MOK: variants seen among roughly 807,000 people sequenced by gnomAD.
The protein encoded by MOK is MAPK/MAK/MRK overlapping kinase.
A neutral mutation model predicts 54.2 loss-of-function variants in MOK; 59 were observed. That is an observed-to-expected ratio of 1.09 (90% confidence interval 0.88 to 1.35). The LOEUF is 1.35. MOK is among the 40% of genes most tolerant of loss of function. The pLI is 0.00. For missense variants in MOK, 517 were observed against 526.2 expected (o/e 0.98, Z 0.17); for synonymous variants, 210 against 202.7 (o/e 1.04, Z -0.31).
intron 1 of MOK, among the ~76,000 whole-genome samples, chr14:102,297,521 G>C (rs970715134): frequency 6.6e-6 from 1 of 152,256 alleles, no homozygotes; most frequent in African/African-American, 2.4e-5. Flanking sequence ...GCCCTCGCTG[G>C]CTCTCGGCAC....
intron 4 of MOK, among the ~76,000 whole-genome samples, chr14:102,258,974 G>A (rs1282219403): frequency 1.3e-5 from 2 of 151,706 alleles, no homozygotes; most frequent in Non-Finnish European, 2.9e-5. Flanking sequence ...GCTAAGGCAG[G>A]AGAATCGCTT....
At chr14:102,285,366 C>A (rs778296695) in intron 1 of MOK, among the ~76,000 whole-genome samples, 2 of 152,180 alleles carry the variant, frequency 1.3e-5, no homozygotes, top group Non-Finnish European at 2.9e-5. Context: ...AGCCACTGCA[C>A]CCAATTCACA....
downstream of MOK, chr14:102,226,546 C>T: frequency 8.9e-6 from 6 of 675,608 alleles, no homozygotes; most frequent in South Asian, 9.5e-5. This position sits in a 1 kb window ranked among gnomAD's most constrained non-coding sequence, Gnocchi z 4.8. Context: ...AGGTGGCCTC[C>T]TATGGGCTGA....
chr14:102,217,259 G>T, the MOK span, among the ~76,000 whole-genome samples: 1 of 152,182 alleles, frequency 6.6e-6, no homozygotes, highest in Admixed American at 6.5e-5. Flanking sequence ...GGCCGGTGCT[G>T]GTCTCCATCA....
At chr14:102,225,049 T>C (rs1415048606), downstream of MOK, 1 of 321,274 alleles carries the variant, frequency 3.1e-6, no homozygotes, top group African/African-American at 2.2e-5. Context: ...GGAACTACTT[T>C]TGAAAATAAA....
At chr14:102,251,158 A>G (rs1042501263) in intron 6 of MOK, among the ~76,000 whole-genome samples, 168 bp from the exon 7 acceptor site, 1 of 152,260 alleles carries the variant, frequency 6.6e-6, no homozygotes, top group African/African-American at 2.4e-5. Flanking sequence ...CCAGCAGATG[A>G]GGAAGTGATG....
At chr14:102,215,757 G>C in the MOK span, among the ~76,000 whole-genome samples, 11,774 of 152,216 alleles carry the variant, frequency 0.077, 609 homozygotes, top group Non-Finnish European at 0.12. Flanking sequence ...CACCAGGCCC[G>C]TCGTCGGTGC....
chr14:102,248,702 T>C (rs993049606), intron 7 of MOK, among the ~76,000 whole-genome samples: 2 of 138,580 alleles, frequency 1.4e-5, no homozygotes, highest in Admixed American at 8.3e-5. Flanking sequence ...GGTGTGAACC[T>C]GGGAGGCGGA....
At position 102,236,153 on chromosome 14, in the gene MOK, C is replaced by T. The variant is rs998485693; in HGVS notation, c.591-2364G>A. The stretch of plus-strand genomic sequence containing the variant: ...CAAGCCTGCTCCTCAGAGCCACCAC[C>T]CCTTTAACAAGACAAAAAGTGAAGA... On this transcript the variant is annotated intron_variant, in intron 7 of 11. Coordinates refer to ENST00000361847, the MANE Select transcript of MOK (RefSeq NM_014226.3). This position sits in a 1 kb window ranked among gnomAD's most constrained non-coding sequence, Gnocchi z 4.5. 2.0e-5 allele frequency among the ~76,000 whole-genome samples: 3 copies of T among 152,260 alleles called. No individual in the cohort carries two copies. Among genetic ancestry groups the T allele is most frequent in the Admixed American group, 2.0e-4 (3 of 15,284 alleles).
chr14:102,276,265 A>T (rs571901613), intron 2 of MOK, among the ~76,000 whole-genome samples: 2 of 151,758 alleles, frequency 1.3e-5, no homozygotes, highest in East Asian at 3.9e-4. Flanking sequence ...TGGGCGGATC[A>T]CAAGGTCAGG....
At chr14:102,283,681 T>C in intron 1 of MOK, 89 bp from the exon 2 acceptor site, 1 of 754,008 alleles carries the variant, frequency 1.3e-6, no homozygotes. Flanking sequence ...ATCTATAAGA[T>C]AATTTAAACA....
At chr14:102,229,773 A>T in intron 10 of MOK, 116 bp from the exon 11 acceptor site, 1 of 955,976 alleles carries the variant, frequency 1.0e-6, no homozygotes, top group South Asian at 1.7e-5. Flanking sequence ...CTTGACCATA[A>T]GATGTGACTG....
At position 102,265,734 on chromosome 14, in the gene MOK, T is replaced by C. The variant is rs546236825; in HGVS notation, c.212+89A>G. The C allele has an allele frequency of 4.2e-5, 44 of 1,058,832 alleles. No individual in the cohort carries two copies. In the African/African-American group the frequency reaches 6.4e-4, roughly 15 times the overall value. 65.6% of individuals were successfully genotyped at this position (1,058,832 alleles called of 1,614,324 possible). A position where few individuals can be genotyped will look rare whatever the true frequency, so the allele number is the denominator to read the frequency against. On this transcript the variant is annotated intron_variant, in intron 3 of 11. Transcript: ENST00000361847. Reference sequence around the variant, plus strand: ...GTTACTCTCTGAGCTACAAAGTAAATATTCAAAATGTCTACCATGGTTTTC... The same window carrying C: ...GTTACTCTCTGAGCTACAAAGTAAACATTCAAAATGTCTACCATGGTTTTC...
At chr14:102,280,997 G>A (rs982100981) in intron 2 of MOK, among the ~76,000 whole-genome samples, 2 of 152,094 alleles carry the variant, frequency 1.3e-5, no homozygotes, top group African/African-American at 2.4e-5. Context: ...TTCGAGACCA[G>A]CCGCAATATG....
intron 3 of MOK, 62 bp from the exon 4 acceptor site, chr14:102,263,678 A>G: frequency 2.6e-6 from 3 of 1,136,608 alleles, no homozygotes; most frequent in Non-Finnish European, 3.8e-6. Flanking sequence ...ATATAATCCA[A>G]TATTTAATTC....
intron 1 of MOK, among the ~76,000 whole-genome samples, chr14:102,293,952 A>G (rs1003790164): frequency 1.3e-5 from 2 of 152,182 alleles, no homozygotes; most frequent in African/African-American, 4.8e-5. Context: ...ACATGAACTT[A>G]AAATGAACTG....
chr14:102,269,328 A>C (rs1477834855), intron 2 of MOK, among the ~76,000 whole-genome samples: 1 of 152,040 alleles, frequency 6.6e-6, no homozygotes, highest in Non-Finnish European at 1.5e-5. Context: ...CTGGGATTAC[A>C]GGTGCCCACC....
At chr14:102,222,088 G>A (rs1226526986), downstream of MOK, among the ~76,000 whole-genome samples, 1 of 147,188 alleles carries the variant, frequency 6.8e-6, no homozygotes, top group African/African-American at 2.5e-5. This position sits in a 1 kb window ranked among gnomAD's most constrained non-coding sequence, Gnocchi z 4.4. Flanking sequence ...GAGATTCCCC[G>A]CCCCCGCCCC....
In MOK at chr14:102,240,825, T is replaced by C. The variant is rs373018768; in HGVS notation, c.591-7036A>G. Among the ~76,000 whole-genome samples the C allele has an allele frequency of 3.3e-5, 5 of 152,298 alleles. No individual in the cohort carries two copies. Among genetic ancestry groups the C allele is most frequent in the East Asian group, 1.9e-4 (1 of 5,174 alleles). ...GCTCACCACCCTCCTTATCTGTGTC[T>C]CTACCCTCTCTTTTCTCTGGGCTTG... On this transcript the variant is annotated intron_variant, in intron 7 of 11. Transcript: ENST00000361847. The surrounding 1 kb of genome is among the most constrained non-coding windows in gnomAD (Gnocchi z 5.4).
Sources: gnomAD v4.1 joint callset for allele counts (sites outside exome capture counted in the v4.1 genomes callset) on GRCh38, gnomAD v4.1.1 for gene constraint, Gnocchi (gnomAD v3.1) non-coding constraint, MANE v1.5 for transcripts, NCBI Gene and HGNC (gene_info 2026-07-23, HGNC 2026-07-21) for gene names.